The following NXPH1 variants were observed in gnomAD, a reference collection of about 807,000 sequenced individuals.
NXPH1 encodes the protein neurexophilin 1.
NXPH1 carries 5 observed loss-of-function variants against 23.7 expected under a neutral mutation model. The observed-to-expected ratio is 0.21, with a 90% CI of 0.11 to 0.44. The LOEUF (loss-of-function observed/expected upper bound fraction) is 0.44, where lower values mean the gene tolerates loss of function less well. NXPH1 is among the 20% of genes least tolerant of loss of function. The pLI, the probability that NXPH1 is intolerant of heterozygous loss-of-function variation, is 0.99. For synonymous variants in NXPH1, 144 were observed against 122.2 expected, an observed-to-expected ratio of 1.18 and a Z score of -1.18; for missense variants, 324 against 321.6, an observed-to-expected ratio of 1.01 and a Z score of -0.06.
chr7:8,660,096 T>C (rs1161469445), intron 2 of NXPH1, among the ~76,000 whole-genome samples: 1 of 152,238 alleles, frequency 6.6e-6, no homozygotes, highest in Non-Finnish European at 1.5e-5. Context: ...TGCTAAAATA[T>C]GGTAATGATA....
intron 2 of NXPH1, among the ~76,000 whole-genome samples, chr7:8,555,310 G>T (rs748310827): frequency 2.0e-4 from 31 of 151,630 alleles, no homozygotes; most frequent in Non-Finnish European, 4.4e-5. Context: ...TTTGCTTTTA[G>T]TTCCCATTTT....
intron 2 of NXPH1, among the ~76,000 whole-genome samples, chr7:8,602,162 C>T (rs1383682136): frequency 6.6e-6 from 1 of 152,134 alleles, no homozygotes; most frequent in Non-Finnish European, 1.5e-5. Context: ...AATTCTGTTA[C>T]TCAAAAATTT....
intron 2 of NXPH1, among the ~76,000 whole-genome samples, chr7:8,457,302 A>G (rs1343750285): frequency 6.6e-6 from 1 of 152,194 alleles, no homozygotes; most frequent in African/African-American, 2.4e-5. Flanking sequence ...GTCTCAGACA[A>G]TCAGAGAGCC....
chr7:8,729,955 T>C (rs1189120230), intron 2 of NXPH1, among the ~76,000 whole-genome samples: 8 of 143,430 alleles, frequency 5.6e-5, no homozygotes, highest in Non-Finnish European at 1.1e-4. Flanking sequence ...AAGTCTCCCA[T>C]TATTAATGTG....
intron 2 of NXPH1, among the ~76,000 whole-genome samples, chr7:8,731,625 T>C (rs750187713): frequency 2.0e-5 from 3 of 152,154 alleles, no homozygotes; most frequent in African/African-American, 7.2e-5. Flanking sequence ...CTGCCCCTGT[T>C]GGAGGGTGCC....
At position 8,504,306 on chromosome 7, in the gene NXPH1, T is replaced by C. The variant is rs546816870; in HGVS notation, c.54+68539T>C. Among the ~76,000 whole-genome samples, 6 of 152,182 alleles carry C rather than the reference T, an allele frequency of 3.9e-5. No individual in the cohort carries two copies. In the East Asian group the frequency reaches 1.2e-3, roughly 30 times the overall value. ...CTTGAAGACTAAGGCAATATTTTACTAGTTTTTCTTTCTTTCTTGTTTCCT... is the reference window on the plus strand; with the variant it reads ...CTTGAAGACTAAGGCAATATTTTACCAGTTTTTCTTTCTTTCTTGTTTCCT... On this transcript the variant is annotated intron_variant, in intron 2 of 2. Coordinates refer to ENST00000405863, the MANE Select transcript of NXPH1 (RefSeq NM_152745.3).
intron 2 of NXPH1, among the ~76,000 whole-genome samples, chr7:8,696,341 G>C (rs1214534025): frequency 6.6e-6 from 1 of 152,192 alleles, no homozygotes; most frequent in Non-Finnish European, 1.5e-5. Flanking sequence ...ATTGGGCACA[G>C]GCTAATGACT....
intron 2 of NXPH1, among the ~76,000 whole-genome samples, chr7:8,453,367 C>A (rs931043779): frequency 6.6e-6 from 1 of 152,100 alleles, no homozygotes; most frequent in Non-Finnish European, 1.5e-5. Context: ...ATCAAACATG[C>A]ACAATCACCA....
At chr7:8,560,182 A>C (rs1160934856) in intron 2 of NXPH1, among the ~76,000 whole-genome samples, 1 of 151,766 alleles carries the variant, frequency 6.6e-6, no homozygotes, top group African/African-American at 2.4e-5. Flanking sequence ...CATATAAAAA[A>C]TAATAGCATA....
intron 2 of NXPH1, among the ~76,000 whole-genome samples, chr7:8,446,728 G>T (rs918749189): frequency 6.6e-6 from 1 of 151,846 alleles, no homozygotes; most frequent in Non-Finnish European, 1.5e-5. Flanking sequence ...TCTAAGAAAT[G>T]CCATAAATTC....
intron 2 of NXPH1, among the ~76,000 whole-genome samples, chr7:8,532,468 T>TTG (rs796667727): frequency 0.013 from 265 of 20,798 alleles, 4 homozygotes; most frequent in African/African-American, 0.028. Flanking sequence ...ATATTTTTTT[T>TTG]GGGGGGGGGG....
intron 2 of NXPH1, among the ~76,000 whole-genome samples, chr7:8,504,117 T>TGTCC (rs1241266647): frequency 1.3e-5 from 2 of 152,140 alleles, no homozygotes; most frequent in East Asian, 3.9e-4. Flanking sequence ...GTGTGTCCAA[T>TGTCC]GTCACCCATC....
At chr7:8,707,620 A>G (rs1242777945) in intron 2 of NXPH1, among the ~76,000 whole-genome samples, 8 of 152,090 alleles carry the variant, frequency 5.3e-5, no homozygotes, top group African/African-American at 1.7e-4. Flanking sequence ...TCTCATACAG[A>G]TCCATCAGGA....
chr7:8,661,830 CAT>C (rs1476849551), intron 2 of NXPH1, among the ~76,000 whole-genome samples: 5 of 151,896 alleles, frequency 3.3e-5, no homozygotes, highest in Non-Finnish European at 7.4e-5. Context: ...TTTACTGTTG[CAT>C]ATGTTTCCAA....
rs139302086 is a variant in NXPH1, at chr7:8,647,199, G to A, written c.55-103809G>A. 1.8e-4 allele frequency among the ~76,000 whole-genome samples: 28 copies of A among 152,280 alleles called. No homozygotes were observed. In the East Asian group the frequency reaches 3.9e-3, roughly 21 times the overall value. ...AAACTCAAGCAGATGCACAGGCTGC[G>A]CCTGATCCCTCAACCCTGACCCTCA... On this transcript the variant is annotated intron_variant, in intron 2 of 2. Coordinates refer to ENST00000405863, the MANE Select transcript of NXPH1 (RefSeq NM_152745.3).
chr7:8,711,894 G>A (rs1779801985), intron 2 of NXPH1, among the ~76,000 whole-genome samples: 1 of 152,198 alleles, frequency 6.6e-6, no homozygotes, highest in African/African-American at 2.4e-5. Flanking sequence ...AGGGAAGCTG[G>A]GATAGAACAG....
chr7:8,512,889 A>ACT (rs1252755326), intron 2 of NXPH1, among the ~76,000 whole-genome samples: 4 of 152,160 alleles, frequency 2.6e-5, no homozygotes, highest in Non-Finnish European at 5.9e-5. Context: ...CATTCTTAGA[A>ACT]ACAGTAATTT....
chr7:8,628,622 T>C (rs1183483281), intron 2 of NXPH1, among the ~76,000 whole-genome samples: 1 of 151,796 alleles, frequency 6.6e-6, no homozygotes, highest in African/African-American at 2.4e-5. Context: ...ATGAAAGAAA[T>C]GATTCTTTTC....
chr7:8,498,362 A>C (rs1266694071), intron 2 of NXPH1, among the ~76,000 whole-genome samples: 1 of 152,072 alleles, frequency 6.6e-6, no homozygotes, highest in Non-Finnish European at 1.5e-5. Flanking sequence ...GAAAAAGTAG[A>C]GTTGATAGAT....
Sources: gnomAD v4.1 joint callset for allele counts (sites outside exome capture counted in the v4.1 genomes callset) on GRCh38, gnomAD v4.1.1 for gene constraint, MANE v1.5 for transcripts, NCBI Gene and HGNC (gene_info 2026-07-23, HGNC 2026-07-21) for gene names.